The following NEK1 variants were observed in gnomAD, a reference collection of about 807,000 sequenced individuals.
The protein encoded by NEK1 is NIMA related kinase 1.
NEK1 carries 137 observed loss-of-function variants against 182.1 expected under a neutral mutation model. The ratio of observed to expected loss-of-function variants is 0.75; its 90% confidence interval spans 0.65 to 0.87. The LOEUF is 0.87. Ranked by LOEUF, NEK1 falls within the 40% of genes least tolerant of loss-of-function variation. The pLI is 0.00. For synonymous variants in NEK1, 513 were observed against 492.2 expected, an observed-to-expected ratio of 1.04 and a Z score of -0.56; for missense variants, 1,391 against 1,494.4, an observed-to-expected ratio of 0.93 and a Z score of 1.14.
rs568073799 is a variant in NEK1 at position 169,507,800 on chromosome 4, A to G, written c.1834-8T>C. 5.6e-6 allele frequency: 9 copies of G among 1,598,884 alleles called. No individual in the cohort carries two copies. The African/African-American group carries it at 9.4e-5, about 17-fold the overall frequency. The stretch of plus-strand genomic sequence containing the variant: ...AGAATGATTAGCTTCTTTCTACAAA[A>G]TAAGTAGATAAGCAAATCACTTAGG... On this transcript the variant is annotated splice_polypyrimidine_tract_variant and splice_region_variant and intron_variant, in intron 21 of 35. Transcript: ENST00000507142.
At chr4:169,400,441 A>C in intron 34 of NEK1, 80 bp downstream of exon 34, 1 of 1,460,960 alleles carries the variant, frequency 6.8e-7, no homozygotes, top group Admixed American at 2.5e-5. Flanking sequence ...AATAAATCTA[A>C]TGACCAATAC....
intron 10 of NEK1, among the ~76,000 whole-genome samples, chr4:169,583,596 C>CTATGAA (rs1297482208): frequency 6.6e-6 from 1 of 152,156 alleles, no homozygotes; most frequent in Non-Finnish European, 1.5e-5. Context: ...TGCTAGCTAG[C>CTATGAA]TAAATTCCAG....
intron 18 of NEK1, among the ~76,000 whole-genome samples, chr4:169,544,772 A>G (rs1760096384): frequency 1.3e-5 from 2 of 150,860 alleles, no homozygotes; most frequent in Non-Finnish European, 2.9e-5. Flanking sequence ...ATTTGTGTAG[A>G]GGTATTTATA....
At chr4:169,544,089 T>C (rs1338188562) in intron 18 of NEK1, among the ~76,000 whole-genome samples, 1 of 152,212 alleles carries the variant, frequency 6.6e-6, no homozygotes, top group Non-Finnish European at 1.5e-5. Flanking sequence ...CTTCAGTTTC[T>C]GTCCATTATG....
At chr4:169,458,546 G>A (rs1481384537) in intron 27 of NEK1, among the ~76,000 whole-genome samples, 2 of 152,158 alleles carry the variant, frequency 1.3e-5, no homozygotes, top group African/African-American at 2.4e-5. Flanking sequence ...TAAGCAACAC[G>A]GAGAAACACC....
chr4:169,443,101 A>C (rs374718960), intron 27 of NEK1, among the ~76,000 whole-genome samples: 25 of 148,300 alleles, frequency 1.7e-4, no homozygotes, highest in African/African-American at 6.2e-4. Flanking sequence ...CTATCTATCT[A>C]TCTCATAATT....
chr4:169,468,359 T>C (rs1276834189), intron 26 of NEK1, among the ~76,000 whole-genome samples: 1 of 152,124 alleles, frequency 6.6e-6, no homozygotes, highest in Non-Finnish European at 1.5e-5. Context: ...GCAAACTTTC[T>C]GGGGTGATGT....
rs573586910 is a variant in NEK1, at chr4:169,612,108, A to G, written c.-137T>C. 3 of 152,468 alleles carry G rather than the reference A, an allele frequency of 2.0e-5. No individual in the cohort carries two copies. The highest frequency in any genetic ancestry group is 2.1e-4 in the South Asian group (1 of 4,830). 9.4% of individuals were successfully genotyped at this position (152,468 alleles called of 1,614,324 possible). A position where few individuals can be genotyped will look rare whatever the true frequency, so the allele number is the denominator to read the frequency against. On this transcript the variant is annotated 5_prime_UTR_variant, in exon 2 of 36. Coordinates refer to ENST00000507142, the MANE Select transcript of NEK1 (RefSeq NM_001199397.3). ...GCAGTCTTCCTACGGGGCTTAATAA[A>G]GCAGAGGTACCATCCCGCATTTTGA...
At chr4:169,552,196 A>C (rs1020006448) in intron 18 of NEK1, among the ~76,000 whole-genome samples, 2 of 152,116 alleles carry the variant, frequency 1.3e-5, no homozygotes, top group Admixed American at 1.3e-4. Flanking sequence ...ATAGTAATTA[A>C]ATCATTTCCT....
At chr4:169,421,796 A>G (rs1735527342) in intron 31 of NEK1, among the ~76,000 whole-genome samples, 1 of 152,220 alleles carries the variant, frequency 6.6e-6, no homozygotes, top group Non-Finnish European at 1.5e-5. Context: ...TCAACTCTAC[A>G]CAAGCGTAGT....
chr4:169,513,197 T>A (rs576804257), intron 19 of NEK1, among the ~76,000 whole-genome samples: 140 of 152,314 alleles, frequency 9.2e-4, no homozygotes, highest in Middle Eastern at 6.8e-3. Flanking sequence ...ATTTTTACTG[T>A]TGTGAGTCTT....
At chr4:169,477,060 G>T (rs1460080385) in intron 26 of NEK1, 64 bp downstream of exon 26, 1 of 1,041,746 alleles carries the variant, frequency 9.6e-7, no homozygotes, top group Non-Finnish European at 1.4e-6. Flanking sequence ...TTTCAGAGTG[G>T]TTAGTCTATA....
chr4:169,550,184 G>A (rs576409949), intron 18 of NEK1, among the ~76,000 whole-genome samples: 23 of 152,102 alleles, frequency 1.5e-4, no homozygotes, highest in African/African-American at 5.5e-4. Flanking sequence ...TAAGTCTCAC[G>A]AGATCTGATG....
At chr4:169,511,842 C>T (rs1754244152) in intron 19 of NEK1, among the ~76,000 whole-genome samples, 2 of 152,078 alleles carry the variant, frequency 1.3e-5, no homozygotes, top group Admixed American at 1.3e-4. Flanking sequence ...GTCATAATTT[C>T]TATATAGACT....
intron 19 of NEK1, among the ~76,000 whole-genome samples, chr4:169,525,950 A>G (rs887788791): frequency 3.3e-5 from 5 of 152,208 alleles, no homozygotes; most frequent in African/African-American, 1.2e-4. Context: ...CAGTTTTAAA[A>G]CCAGTAACAC....
intron 10 of NEK1, 21 bp downstream of exon 10, chr4:169,585,328 T>A: frequency 1.3e-6 from 2 of 1,597,610 alleles, no homozygotes; most frequent in Non-Finnish European, 1.7e-6. Flanking sequence ...ACTGTTTAAT[T>A]TTAAAGGAAA....
At chr4:169,394,603 T>C in intron 35 of NEK1, 80 bp from the exon 36 acceptor site, 1 of 806,146 alleles carries the variant, frequency 1.2e-6, no homozygotes, top group African/African-American at 1.8e-5. Flanking sequence ...TTGTTCATGC[T>C]AAAGGAGAAG....
intron 29 of NEK1, among the ~76,000 whole-genome samples, chr4:169,428,828 CT>C (rs1375596256): frequency 6.6e-6 from 1 of 152,000 alleles, no homozygotes; most frequent in Non-Finnish European, 1.5e-5. Context: ...GAGATTTTTC[CT>C]TTAAATTTAC....
rs562836777 is a variant in NEK1, at chr4:169,419,625, G to C, written c.3222+4928C>G. Among the ~76,000 whole-genome samples, 13 of 152,316 alleles carry C rather than the reference G, an allele frequency of 8.5e-5. No homozygotes were observed. The South Asian group carries it at 2.3e-3, about 27-fold the overall frequency. On this transcript the variant is annotated intron_variant, in intron 31 of 35. Coordinates refer to ENST00000507142, the MANE Select transcript of NEK1 (RefSeq NM_001199397.3). Reference sequence around the variant, plus strand: ...CAGGCAGGACGGGAATGGAAGTACAGTCATGCTTTGCTTAACAAAGATACG... The same window carrying C: ...CAGGCAGGACGGGAATGGAAGTACACTCATGCTTTGCTTAACAAAGATACG...
Sources: gnomAD v4.1 joint callset for allele counts (sites outside exome capture counted in the v4.1 genomes callset) on GRCh38, gnomAD v4.1.1 for gene constraint, MANE v1.5 for transcripts, NCBI Gene and HGNC (gene_info 2026-07-23, HGNC 2026-07-21) for gene names.